The following KYAT3 variants were observed in gnomAD, a reference collection of about 807,000 sequenced individuals.
KYAT3 encodes kynurenine aminotransferase 3.
KYAT3 carries 50 observed loss-of-function variants against 59.0 expected under a neutral mutation model. The observed-to-expected ratio is 0.85, with a 90% CI of 0.68 to 1.07. The LOEUF is 1.07. Ranked by LOEUF, KYAT3 falls within the 50% of genes least tolerant of loss-of-function variation. The pLI is 0.00. For synonymous variants in KYAT3, 148 were observed against 177.0 expected (o/e 0.84, Z 1.30); for missense variants, 497 against 533.3 (o/e 0.93, Z 0.67).
intron 11 of KYAT3, among the ~76,000 whole-genome samples, chr1:88,946,318 G>A (rs1469089386): frequency 1.9e-5 from 2 of 103,602 alleles, no homozygotes; most frequent in African/African-American, 7.0e-5. Context: ...CCTCCTATGT[G>A]TAACTGATTT....
At chr1:88,984,083 A>C (rs530276863) in intron 2 of KYAT3, 1 of 444,304 alleles carries the variant, frequency 2.3e-6, no homozygotes, top group South Asian at 2.8e-5. Context: ...TGGTGGAAGA[A>C]ATGAAAGTAA....
At chr1:88,936,558 G>T (rs999080734) in intron 13 of KYAT3, among the ~76,000 whole-genome samples, 4 of 151,936 alleles carry the variant, frequency 2.6e-5, no homozygotes, top group African/African-American at 9.7e-5. Context: ...GCAATTTCTG[G>T]ATTTAGTTCT....
intron 10 of KYAT3, among the ~76,000 whole-genome samples, chr1:88,951,879 A>C (rs1675688283): frequency 6.6e-6 from 1 of 152,082 alleles, no homozygotes; most frequent in Admixed American, 6.5e-5. Context: ...ATGTGATTGA[A>C]ATTAAGGAGA....
chr1:88,963,462 A>T (rs1676226883), intron 5 of KYAT3, among the ~76,000 whole-genome samples: 1 of 152,216 alleles, frequency 6.6e-6, no homozygotes, highest in Admixed American at 6.5e-5. Flanking sequence ...CACAAAGCAG[A>T]TAGTGGCATC....
intron 2 of KYAT3, among the ~76,000 whole-genome samples, chr1:88,973,673 T>C (rs969198953): frequency 1.3e-5 from 2 of 152,216 alleles, no homozygotes; most frequent in Non-Finnish European, 2.9e-5. Flanking sequence ...ACCTTACTTA[T>C]GCTCACTTGA....
intron 2 of KYAT3, chr1:88,983,956 T>C: frequency 2.0e-6 from 2 of 1,023,232 alleles, no homozygotes; most frequent in Non-Finnish European, 3.0e-6. Flanking sequence ...GCGAAGCCGC[T>C]AGCACTACTG....
chr1:88,925,061 G>T, the KYAT3 span, among the ~76,000 whole-genome samples: 1 of 152,166 alleles, frequency 6.6e-6, no homozygotes, highest in Non-Finnish European at 1.5e-5. Context: ...TTCCAAAGCG[G>T]TGAGTAATAT....
At chr1:88,923,737 C>A in the KYAT3 span, 5 of 282,640 alleles carry the variant, frequency 1.8e-5, no homozygotes, top group Non-Finnish European at 3.4e-5. Context: ...GGAATCCATT[C>A]TCTGCATCTG....
intron 2 of KYAT3, chr1:88,984,165 C>G: frequency 5.0e-6 from 1 of 201,900 alleles, no homozygotes; most frequent in Non-Finnish European, 1.0e-5. Flanking sequence ...ATATTAAGCT[C>G]AAAAGTGTGT....
the KYAT3 span, among the ~76,000 whole-genome samples, chr1:88,930,477 C>T: frequency 9.3e-3 from 1,421 of 152,214 alleles, 12 homozygotes; most frequent in Non-Finnish European, 0.014. Context: ...CTAGAGGTTC[C>T]CTTGACTGAT....
chr1:88,928,599 G>A, the KYAT3 span, among the ~76,000 whole-genome samples: 1 of 152,272 alleles, frequency 6.6e-6, no homozygotes, highest in South Asian at 2.1e-4. Flanking sequence ...ACTGCCCCAG[G>A]GGACGAAGGT....
At chr1:88,955,267 T>G in intron 8 of KYAT3, 42 bp from the exon 9 acceptor site, 1 of 1,138,170 alleles carries the variant, frequency 8.8e-7, no homozygotes, top group African/African-American at 1.5e-5. Context: ...GTTTTCCAAT[T>G]AATCACATTT....
Position 88,949,319 on chromosome 1 carries a change from A to C in KYAT3, c.955-42T>G, listed in dbSNP as rs1032365822. On this transcript the variant is annotated intron_variant, in intron 10 of 13. Coordinates refer to ENST00000260508, the MANE Select transcript of KYAT3 (RefSeq NM_001008661.3). Reference sequence around the variant, plus strand: ...AAAAAATATGAAAAGGCATATGGCAATGTTATTTATTGCTTAGTTTATTGG... The same window carrying C: ...AAAAAATATGAAAAGGCATATGGCACTGTTATTTATTGCTTAGTTTATTGG... The C allele has an allele frequency of 2.2e-6, 3 of 1,368,824 alleles. No individual in the cohort carries two copies. The African/African-American group carries it at 4.4e-5, about 20-fold the overall frequency. The allele number at this position is 1,368,824 out of a possible 1,614,324, so 84.8% of individuals were successfully genotyped here. A position where few individuals can be genotyped will look rare whatever the true frequency, so the allele number is the denominator to read the frequency against.
At chr1:88,971,810 G>A (rs1676567987) in intron 2 of KYAT3, among the ~76,000 whole-genome samples, 1 of 152,106 alleles carries the variant, frequency 6.6e-6, no homozygotes, top group Non-Finnish European at 1.5e-5. Flanking sequence ...TTGGTTCTAC[G>A]AGTCAGGGTC....
downstream of KYAT3, chr1:88,935,776 G>A (rs546479293): frequency 3.9e-5 from 15 of 385,066 alleles, no homozygotes; most frequent in African/African-American, 2.5e-4. Flanking sequence ...ACATGAAACC[G>A]GCTAAAGTCA....
chr1:88,957,053 A>G (rs184824278), intron 8 of KYAT3, among the ~76,000 whole-genome samples: 1 of 152,346 alleles, frequency 6.6e-6, no homozygotes, highest in East Asian at 1.9e-4. Flanking sequence ...ATAAGCAAGT[A>G]AAGTGCCTAC....
chr1:88,947,677 T>C (rs1341269007), intron 11 of KYAT3, among the ~76,000 whole-genome samples: 1 of 152,178 alleles, frequency 6.6e-6, no homozygotes, highest in East Asian at 1.9e-4. Flanking sequence ...TTACAGCCAC[T>C]TTCCAGAGAG....
chr1:88,924,470 T>A, the KYAT3 span, among the ~76,000 whole-genome samples: 4,778 of 152,166 alleles, frequency 0.031, 222 homozygotes, highest in African/African-American at 0.11. Context: ...AAAAAAAAAA[T>A]TCCTTTGTTC....
intron 9 of KYAT3, among the ~76,000 whole-genome samples, chr1:88,954,572 A>G (rs374656376): frequency 2.0e-4 from 31 of 152,294 alleles, no homozygotes; most frequent in African/African-American, 6.5e-4. Flanking sequence ...ACTTTTTTGC[A>G]AAGAAAAAGG....
Sources: gnomAD v4.1 joint callset for allele counts (sites outside exome capture counted in the v4.1 genomes callset) on GRCh38, gnomAD v4.1.1 for gene constraint, MANE v1.5 for transcripts, NCBI Gene and HGNC (gene_info 2026-07-23, HGNC 2026-07-21) for gene names.